Variants in KCNMA1 observed in about 807,000 individuals in gnomAD.
The protein encoded by KCNMA1 is Calcium-activated potassium channel subunit alpha-1.
In KCNMA1, 29 loss-of-function variants were observed where a neutral mutation model predicts 140.0. The ratio of observed to expected loss-of-function variants is 0.21; its 90% CI spans 0.15 to 0.28. The LOEUF is 0.28. Among genes scored for constraint, KCNMA1 ranks in the 10% least tolerant of loss-of-function variants. The probability of loss-of-function intolerance (pLI) is 1.00; values close to 1 mark genes in which losing one functional copy is unlikely to be tolerated. For synonymous variants in KCNMA1, 612 were observed against 611.9 expected, an observed-to-expected ratio of 1.00 and a Z score of 0.00; for missense variants, 880 against 1,602.2, an observed-to-expected ratio of 0.55 and a Z score of 7.70.
intron 3 of KCNMA1, among the ~76,000 whole-genome samples, chr10:77,223,513 T>A (rs2050342039): frequency 6.6e-6 from 1 of 152,072 alleles, no homozygotes. Flanking sequence ...AAAATGAGAA[T>A]CCCATGACAT....
rs370862113 is a variant in KCNMA1, at chr10:77,086,521, G to A, written c.1407C>T (p.Ser469=). 56 of 1,613,638 alleles carry A rather than the reference G, an allele frequency of 3.5e-5. No homozygotes were observed. Among genetic ancestry groups the A allele is most frequent in the East Asian group, 8.9e-5 (4 of 44,888 alleles). ...TTGCAAGATCATGTGGATTGAGGACGGAACCCTGATAAAATTCCACCTGAG... is the reference window on the plus strand; with the variant it reads ...TTGCAAGATCATGTGGATTGAGGACAGAACCCTGATAAAATTCCACCTGAG... ...HFTQVEFYQG[S]VLNPHDLARV... Residue 469 remains serine (S), a synonymous_variant, in exon 11 of 28, where the codon TCC becomes TCT. Transcript: ENST00000286628.
At chr10:77,227,320 A>G (rs997438628) in intron 3 of KCNMA1, among the ~76,000 whole-genome samples, 42 of 152,222 alleles carry the variant, frequency 2.8e-4, no homozygotes, top group African/African-American at 1.0e-3. Flanking sequence ...ACCAAGCCCC[A>G]GAAGAAGCTA....
intron 1 of KCNMA1, among the ~76,000 whole-genome samples, chr10:77,451,794 T>G (rs999107011): frequency 1.3e-5 from 2 of 152,178 alleles, no homozygotes; most frequent in Admixed American, 6.5e-5. Context: ...GATGCCTGGA[T>G]GTTTTTTCTC....
chr10:76,888,640 T>C (rs183585413), intron 27 of KCNMA1, among the ~76,000 whole-genome samples: 88 of 152,328 alleles, frequency 5.8e-4, no homozygotes, highest in African/African-American at 2.0e-3. Context: ...TTGGCACATC[T>C]AAACTGTTAT....
chr10:77,174,172 C>A (rs939468753), intron 5 of KCNMA1, among the ~76,000 whole-genome samples: 2 of 152,040 alleles, frequency 1.3e-5, no homozygotes, highest in Non-Finnish European at 2.9e-5. Flanking sequence ...TGCTTTTTGG[C>A]CTACTGAGTC....
intron 1 of KCNMA1, among the ~76,000 whole-genome samples, chr10:77,461,746 C>T (rs967651784): frequency 5.9e-5 from 9 of 152,320 alleles, no homozygotes; most frequent in Middle Eastern, 3.4e-3. Flanking sequence ...GGCCCAGGCA[C>T]GCTCCAGATG....
intron 1 of KCNMA1, among the ~76,000 whole-genome samples, chr10:77,440,414 A>T (rs994055938): frequency 3.9e-5 from 6 of 152,224 alleles, no homozygotes; most frequent in African/African-American, 1.4e-4. Context: ...AGGGTGAAAC[A>T]TGGGCAACAG....
intron 1 of KCNMA1, among the ~76,000 whole-genome samples, chr10:77,412,305 T>C (rs374980823): frequency 1.1e-3 from 163 of 152,330 alleles, no homozygotes; most frequent in African/African-American, 3.2e-3. Flanking sequence ...TGAGCCTTCA[T>C]TGATGGACTG....
intron 9 of KCNMA1, among the ~76,000 whole-genome samples, chr10:77,098,083 T>C (rs2096983431): frequency 6.6e-6 from 1 of 152,194 alleles, no homozygotes; most frequent in South Asian, 2.1e-4. Context: ...GATCTGTGTC[T>C]ACACCTCCAC....
Position 77,366,750 on chromosome 10 carries a change from C to G in KCNMA1, c.540+37112G>C, listed in dbSNP as rs376171199. Among the ~76,000 whole-genome samples, 29 of 152,292 alleles carry G rather than the reference C, an allele frequency of 1.9e-4. 1 individual carries two copies. In the South Asian group the frequency reaches 5.6e-3, roughly 29 times the overall value. On this transcript the variant is annotated intron_variant, in intron 2 of 27. Transcript: ENST00000286628. ...TGTTCTTTACAAATGTGGATGAACCCTATCTCCTGCATGGAGTGGGCAGCA... is the reference window on the plus strand; with the variant it reads ...TGTTCTTTACAAATGTGGATGAACCGTATCTCCTGCATGGAGTGGGCAGCA...
intron 19 of KCNMA1, among the ~76,000 whole-genome samples, chr10:76,993,945 G>A (rs1029551184): frequency 3.9e-5 from 6 of 152,160 alleles, no homozygotes; most frequent in Admixed American, 2.0e-4. Flanking sequence ...ACATTATCTC[G>A]AGGTTTCATT....
intron 1 of KCNMA1, among the ~76,000 whole-genome samples, chr10:77,467,604 G>T (rs2098056844): frequency 6.6e-6 from 1 of 152,236 alleles, no homozygotes; most frequent in Non-Finnish European, 1.5e-5. Flanking sequence ...TTTTCCACCA[G>T]CGCCTGCATT....
At chr10:77,384,247 G>A (rs777793740) in intron 2 of KCNMA1, among the ~76,000 whole-genome samples, 1 of 152,216 alleles carries the variant, frequency 6.6e-6, no homozygotes, top group Non-Finnish European at 1.5e-5. Context: ...CAATGGCAGA[G>A]GTAGGGACAA....
chr10:76,940,187 C>T (rs2061594931), intron 23 of KCNMA1, among the ~76,000 whole-genome samples: 1 of 152,166 alleles, frequency 6.6e-6, no homozygotes, highest in South Asian at 2.1e-4. Context: ...TGGGATATGC[C>T]ACCTTTTCTG....
At chr10:77,049,828 G>T (rs895558681) in intron 14 of KCNMA1, among the ~76,000 whole-genome samples, 5 of 152,122 alleles carry the variant, frequency 3.3e-5, no homozygotes, top group African/African-American at 1.2e-4. Context: ...GTATAACTGG[G>T]TCATTTTTAC....
intron 20 of KCNMA1, among the ~76,000 whole-genome samples, chr10:76,959,460 G>T (rs573566336): frequency 6.6e-6 from 1 of 152,310 alleles, no homozygotes; most frequent in South Asian, 2.1e-4. Flanking sequence ...TGTAAAATGG[G>T]AATGTTAATC....
At chr10:77,593,091 G>C (rs147542288) in intron 1 of KCNMA1, among the ~76,000 whole-genome samples, 17 of 152,276 alleles carry the variant, frequency 1.1e-4, no homozygotes, top group African/African-American at 4.1e-4. Flanking sequence ...CATGCGCCCA[G>C]AACCTTGAGC....
intron 17 of KCNMA1, among the ~76,000 whole-genome samples, chr10:77,016,922 C>G (rs2092154292): frequency 6.6e-6 from 1 of 152,006 alleles, no homozygotes; most frequent in Non-Finnish European, 1.5e-5. Context: ...TCCATTTTTA[C>G]AAAGCTTGTT....
At chr10:77,311,585 T>C (rs954069705) in intron 2 of KCNMA1, among the ~76,000 whole-genome samples, 7 of 152,102 alleles carry the variant, frequency 4.6e-5, no homozygotes, top group African/African-American at 1.7e-4. Context: ...GTTTTTATCA[T>C]TTAAAAAAAT....
Sources: allele counts gnomAD v4.1 joint callset (sites outside exome capture counted in the v4.1 genomes callset), GRCh38; gene constraint gnomAD v4.1.1; transcripts MANE v1.5; gene names NCBI Gene and HGNC (gene_info 2026-07-23, HGNC 2026-07-21).